The following POLR3C variants were observed in gnomAD, a reference collection of about 807,000 sequenced individuals.
POLR3C encodes the protein DNA-directed RNA polymerase III subunit RPC3.
Under a neutral mutation model 65.9 loss-of-function variants are expected in POLR3C, and 44 were observed. The ratio of observed to expected loss-of-function variants is 0.67; its 90% CI spans 0.52 to 0.86. The LOEUF is 0.86. Among genes scored for constraint, POLR3C ranks in the 40% least tolerant of loss-of-function variants. The pLI is 0.00. For synonymous variants in POLR3C, 263 were observed against 231.6 expected (o/e 1.14, Z -1.23); for missense variants, 576 against 653.2 (o/e 0.88, Z 1.29).
chr1:145,841,197 A>G, intron 14 of POLR3C, 126 bp downstream of exon 14: 3 of 756,790 alleles, frequency 4.0e-6, no homozygotes, highest in Non-Finnish European at 6.7e-6. Context: ...CTCACTTAAC[A>G]GAATTTAATC....
intron 11 of POLR3C, 51 bp from the exon 12 acceptor site, chr1:145,839,838 CA>C: frequency 1.0e-6 from 1 of 986,820 alleles, no homozygotes; most frequent in Non-Finnish European, 1.6e-6. Flanking sequence ...TGTGCTTTGC[CA>C]GTTCTAAAAC....
At chr1:145,832,604 A>T (rs1274745242) in intron 5 of POLR3C, among the ~76,000 whole-genome samples, 1 of 152,234 alleles carries the variant, frequency 6.6e-6, no homozygotes, top group East Asian at 1.9e-4. Flanking sequence ...ATGTGCACAG[A>T]GCTGAGTGAG....
intron 7 of POLR3C, among the ~76,000 whole-genome samples, chr1:145,833,904 T>G (rs1651558649): frequency 6.6e-6 from 1 of 152,234 alleles, no homozygotes; most frequent in South Asian, 2.1e-4. Flanking sequence ...ACTTAAAATA[T>G]CGATATTTAA....
At position 145,840,302 on chromosome 1, in the gene POLR3C, G is replaced by A. The variant is rs1381529383; in HGVS notation, c.1373+137G>A. The A allele has an allele frequency of 8.5e-5, 55 of 647,834 alleles. No individual in the cohort carries two copies. In the African/African-American group the frequency reaches 9.7e-4, roughly 11 times the overall value. 40.1% of individuals were successfully genotyped at this position (647,834 alleles called of 1,614,324 possible). A position where few individuals can be genotyped will look rare whatever the true frequency, so the allele number is the denominator to read the frequency against. On this transcript the variant is annotated intron_variant, in intron 13 of 14. Coordinates refer to ENST00000334163, the MANE Select transcript of POLR3C (RefSeq NM_006468.8). ...TGCCTGTAATCCCAGCACTTCGGGA[G>A]GCTGAGGCAGGTGGATCACTTGAGG... is the stretch of plus-strand genomic sequence containing the variant.
At chr1:145,832,260 C>T (rs1290611314) in intron 5 of POLR3C, among the ~76,000 whole-genome samples, 1 of 152,078 alleles carries the variant, frequency 6.6e-6, no homozygotes, top group Non-Finnish European at 1.5e-5. Context: ...AAATGGGTTG[C>T]GTAAATCTAG....
intron 5 of POLR3C, among the ~76,000 whole-genome samples, chr1:145,832,927 C>T (rs782476766): frequency 6.6e-6 from 1 of 152,052 alleles, no homozygotes; most frequent in Non-Finnish European, 1.5e-5. Flanking sequence ...TAGGCTGAGA[C>T]AGGAGAATCA....
chr1:145,827,844 C>T (rs1222417531), intron 4 of POLR3C, among the ~76,000 whole-genome samples: 2 of 151,458 alleles, frequency 1.3e-5, no homozygotes, highest in Admixed American at 1.3e-4. Flanking sequence ...AGGAGAATTG[C>T]TTGAACCCAG....
At chr1:145,839,622 A>G (rs1469295188) in intron 11 of POLR3C, 2 of 334,546 alleles carry the variant, frequency 6.0e-6, no homozygotes, top group East Asian at 1.1e-4. Flanking sequence ...AGTTCCGGCT[A>G]CTTGGGGGAC....
Position 145,841,058 on chromosome 1 carries a change from C to T in POLR3C, c.1510C>T (p.Arg504Cys), listed in dbSNP as rs782399086. The T allele has an allele frequency of 6.2e-7, 1 of 1,613,536 alleles. No homozygotes were observed. The highest frequency in any genetic ancestry group is 8.5e-7 in the Non-Finnish European group (1 of 1,179,632). Residue 504 changes from arginine to cysteine, a missense_variant, in exon 14 of 15, where the codon CGT (arginine) becomes TGT (cysteine). Physicochemically the swap from Arg to Cys is radical, Grantham distance 180. Coordinates refer to ENST00000334163, the MANE Select transcript of POLR3C (RefSeq NM_006468.8). ...ACGTCAGCAGCTAGAGACCCTGAAA[C>T]GTAATGTCAACAAGTAAGCATCATA... ...PERQQLETLK[R>C]NVNKLDASEI...
intron 11 of POLR3C, among the ~76,000 whole-genome samples, 197 bp downstream of exon 11, chr1:145,838,403 C>T (rs1421572053): frequency 1.3e-5 from 2 of 152,124 alleles, no homozygotes; most frequent in African/African-American, 4.8e-5. Flanking sequence ...AAGAGGTGGC[C>T]GGGCACGGTG....
chr1:145,832,730 TAGAG>T (rs1350855525), intron 5 of POLR3C, among the ~76,000 whole-genome samples: 14 of 151,994 alleles, frequency 9.2e-5, no homozygotes, highest in Admixed American at 3.9e-4. Flanking sequence ...AGAGTTAAAA[TAGAG>T]AGAGAAAGGC....
At chr1:145,830,185 T>C (rs1404503693) in intron 5 of POLR3C, among the ~76,000 whole-genome samples, 1 of 145,260 alleles carries the variant, frequency 6.9e-6, no homozygotes, top group Non-Finnish European at 1.5e-5. Context: ...TCAAAGGAAC[T>C]GTGACCCAAA....
chr1:145,842,121 C>T (rs1420001531), intron 14 of POLR3C, among the ~76,000 whole-genome samples: 2 of 152,156 alleles, frequency 1.3e-5, no homozygotes, highest in African/African-American at 4.8e-5. Flanking sequence ...TCCCCCAGGA[C>T]AGAGGCTCTG....
rs2101624452 is a variant in POLR3C at position 145,824,264 on chromosome 1, C to T, written c.-126C>T. 4 of 281,368 alleles carry T rather than the reference C, an allele frequency of 1.4e-5. No homozygotes were observed. The highest frequency in any genetic ancestry group is 1.2e-4 in the South Asian group (4 of 33,446). The allele number at this position is 281,368 out of a possible 1,614,324, so 17.4% of individuals were successfully genotyped here. Reference sequence around the variant, plus strand: ...GTGGCGATCCGCGTCCTAGAAAGGGCGGTGGGCTCCACCTCGGCCTAGAAG... The same window carrying T: ...GTGGCGATCCGCGTCCTAGAAAGGGTGGTGGGCTCCACCTCGGCCTAGAAG... On this transcript the variant is annotated 5_prime_UTR_variant, in exon 1 of 15. Transcript: ENST00000334163.
At chr1:145,840,900 C>G in intron 13 of POLR3C, 22 bp from the exon 14 acceptor site, 1 of 1,604,686 alleles carries the variant, frequency 6.2e-7, no homozygotes, top group Non-Finnish European at 8.5e-7. Context: ...GAAGATGTCT[C>G]AGAGTTGTGT....
At chr1:145,837,330 C>G (rs782197012) in intron 9 of POLR3C, among the ~76,000 whole-genome samples, 4 of 152,098 alleles carry the variant, frequency 2.6e-5, no homozygotes, top group Non-Finnish European at 4.4e-5. Context: ...TTTAATCAAC[C>G]AAATTTTAGT....
intron 13 of POLR3C, chr1:145,840,442 A>C: frequency 2.6e-6 from 1 of 384,432 alleles, no homozygotes; most frequent in Non-Finnish European, 4.8e-6. Flanking sequence ...CGGGAGGCTA[A>C]GGCAGGAGAA....
chr1:145,836,615 T>C, intron 8 of POLR3C, 41 bp downstream of exon 8: 1 of 1,237,822 alleles, frequency 8.1e-7, no homozygotes, highest in Non-Finnish European at 1.2e-6. Flanking sequence ...CTTTAGCCTG[T>C]ACTGTTGATA....
chr1:145,841,808 T>C (rs80281403), intron 14 of POLR3C, among the ~76,000 whole-genome samples: 6 of 152,246 alleles, frequency 3.9e-5, no homozygotes, highest in African/African-American at 9.6e-5. Context: ...TTTTTTTTTT[T>C]CCTGCCCCAT....
Sources: gnomAD v4.1 joint callset for allele counts (sites outside exome capture counted in the v4.1 genomes callset) on GRCh38, gnomAD v4.1.1 for gene constraint, MANE v1.5 for transcripts, NCBI Gene and HGNC (gene_info 2026-07-23, HGNC 2026-07-21) for gene names.